The following ANXA8 variants were observed in gnomAD, a reference collection of about 807,000 sequenced individuals.
ANXA8 encodes the protein VAC-beta.
Under a neutral mutation model 26.8 loss-of-function variants are expected in ANXA8, and 9 were observed. That is an observed-to-expected ratio of 0.34 (90% CI 0.20 to 0.59). The LOEUF is 0.59. ANXA8 is among the 20% of genes least tolerant of loss of function. The pLI is 0.84. For synonymous variants in ANXA8, 39 were observed against 94.8 expected (o/e 0.41, Z 3.42); for missense variants, 83 against 238.5 (o/e 0.35, Z 4.29).
chr10:47,763,781 G>A, the ANXA8 span, among the ~76,000 whole-genome samples: 11 of 144,284 alleles, frequency 7.6e-5, no homozygotes, highest in African/African-American at 2.8e-4. Flanking sequence ...GTGCAGGGGA[G>A]TGTGTGTGTG....
the ANXA8 span, among the ~76,000 whole-genome samples, chr10:47,643,547 TC>T: frequency 6.7e-6 from 1 of 149,000 alleles, no homozygotes; most frequent in African/African-American, 2.6e-5. Context: ...AATCAATCAA[TC>T]AATCAATCAA....
At chr10:47,709,333 A>C in the ANXA8 span, among the ~76,000 whole-genome samples, 1 of 150,040 alleles carries the variant, frequency 6.7e-6, no homozygotes, top group Non-Finnish European at 1.5e-5. Flanking sequence ...GCTTTCTAAA[A>C]AGTACTTAAG....
chr10:47,894,603 CCACA>C, the ANXA8 span, among the ~76,000 whole-genome samples: 6 of 143,462 alleles, frequency 4.2e-5, no homozygotes, highest in East Asian at 3.9e-4. Flanking sequence ...ACACACTGCA[CCACA>C]CACACACACT....
At chr10:47,962,393 G>A in the ANXA8 span, among the ~76,000 whole-genome samples, 1 of 150,982 alleles carries the variant, frequency 6.6e-6, no homozygotes, top group Non-Finnish European at 1.5e-5. Context: ...CCCTGTGGCT[G>A]GAAAGGCTGG....
At chr10:47,679,503 T>C in the ANXA8 span, among the ~76,000 whole-genome samples, 1 of 152,056 alleles carries the variant, frequency 6.6e-6, no homozygotes, top group East Asian at 1.9e-4. Context: ...TAATCCCACT[T>C]ACTTGGGAGG....
the ANXA8 span, among the ~76,000 whole-genome samples, chr10:47,957,320 A>T: frequency 2.0e-5 from 3 of 150,386 alleles, no homozygotes; most frequent in Non-Finnish European, 4.4e-5. Context: ...TAGCCTCCGG[A>T]TGCTGCTGGC....
chr10:47,986,205 T>C, the ANXA8 span: 2 of 151,602 alleles, frequency 1.3e-5, no homozygotes, highest in Non-Finnish European at 2.9e-5. Flanking sequence ...GTTCTTTTCC[T>C]TACTCACTAG....
the ANXA8 span, chr10:47,502,168 G>A: frequency 3.1e-5 from 48 of 1,558,430 alleles, 5 homozygotes; most frequent in East Asian, 9.1e-4. Flanking sequence ...CTGTGTTCCC[G>A]TGGGCATCTC....
chr10:47,743,864 C>T, the ANXA8 span, among the ~76,000 whole-genome samples: 4 of 144,490 alleles, frequency 2.8e-5, no homozygotes, highest in African/African-American at 5.2e-5. Flanking sequence ...GGCTCCGTCC[C>T]CACAGTGCCC....
At chr10:47,501,186 G>A in the ANXA8 span, among the ~76,000 whole-genome samples, 10 of 140,246 alleles carry the variant, frequency 7.1e-5, 1 homozygote, top group Admixed American at 5.8e-4. Flanking sequence ...ACAGGTGTGA[G>A]CCACCACGCC....
chr10:47,777,980 G>A, the ANXA8 span, among the ~76,000 whole-genome samples: 1 of 151,598 alleles, frequency 6.6e-6, no homozygotes, highest in African/African-American at 2.4e-5. Flanking sequence ...GTAGGGGTCG[G>A]TTGATTTAAG....
the ANXA8 span, among the ~76,000 whole-genome samples, chr10:47,711,770 A>G: frequency 1.3e-5 from 1 of 79,514 alleles, no homozygotes; most frequent in Non-Finnish European, 2.3e-5. Context: ...ATATTCTTTT[A>G]AAATTAATAG....
chr10:47,729,033 C>CA, the ANXA8 span, among the ~76,000 whole-genome samples: 1 of 144,516 alleles, frequency 6.9e-6, no homozygotes, highest in African/African-American at 2.5e-5. Context: ...GGATTACAGG[C>CA]GTGAGCTGCC....
chr10:47,776,022 C>G, the ANXA8 span, among the ~76,000 whole-genome samples: 1 of 151,994 alleles, frequency 6.6e-6, no homozygotes, highest in Non-Finnish European at 1.5e-5. Context: ...GGCATGGTGG[C>G]AACTCAGTTT....
chr10:47,695,169 C>T, the ANXA8 span, among the ~76,000 whole-genome samples: 3,645 of 151,146 alleles, frequency 0.024, 127 homozygotes, highest in African/African-American at 0.083. Flanking sequence ...CCTGGCTAGG[C>T]AGTGGGGAAC....
the ANXA8 span, among the ~76,000 whole-genome samples, chr10:47,560,417 T>C: frequency 6.6e-6 from 1 of 151,786 alleles, no homozygotes; most frequent in Non-Finnish European, 1.5e-5. Context: ...AGTTCTTAAT[T>C]AATACATTGT....
At chr10:47,614,332 G>A in the ANXA8 span, among the ~76,000 whole-genome samples, 3 of 74,720 alleles carry the variant, frequency 4.0e-5, no homozygotes, top group African/African-American at 1.2e-4. Context: ...AACAATAAAA[G>A]CAATATTTGT....
At chr10:47,646,470 T>TA in the ANXA8 span, among the ~76,000 whole-genome samples, 3 of 147,142 alleles carry the variant, frequency 2.0e-5, 1 homozygote, top group East Asian at 5.8e-4. Context: ...GATATACAAA[T>TA]AAAATTTTAT....
At chr10:47,653,453 G>A in the ANXA8 span, among the ~76,000 whole-genome samples, 1 of 151,622 alleles carries the variant, frequency 6.6e-6, no homozygotes, top group African/African-American at 2.4e-5. Context: ...TGAGAGGCGA[G>A]GAAAAGTAAG....
Sources: allele counts gnomAD v4.1 joint callset (sites outside exome capture counted in the v4.1 genomes callset), GRCh38; gene constraint gnomAD v4.1.1; transcripts MANE v1.5; gene names NCBI Gene and HGNC (gene_info 2026-07-23, HGNC 2026-07-21).